Variants in APCDD1L observed in about 807,000 individuals in gnomAD.
APCDD1L encodes the protein protein APCDD1-like.
APCDD1L carries 21 observed loss-of-function variants against 24.2 expected under a neutral mutation model. That is an observed-to-expected ratio of 0.87 (90% CI 0.61 to 1.25). The LOEUF (loss-of-function observed/expected upper bound fraction) is 1.25, where lower values mean the gene tolerates loss of function less well. Among genes scored for constraint, APCDD1L ranks in the 50% most tolerant of loss-of-function variants. APCDD1L has a pLI of 0.00. For synonymous variants in APCDD1L, 321 were observed against 323.6 expected (o/e 0.99, Z 0.09); for missense variants, 704 against 711.7 (o/e 0.99, Z 0.12).
chr20:58,476,788 G>A (rs866211960), intron 1 of APCDD1L, among the ~76,000 whole-genome samples: 2 of 152,290 alleles, frequency 1.3e-5, no homozygotes, highest in Admixed American at 6.5e-5. Context: ...CCATCCCACC[G>A]TGCTTTTCCA....
At chr20:58,487,972 G>A (rs752955021) in intron 1 of APCDD1L, among the ~76,000 whole-genome samples, 4 of 151,524 alleles carry the variant, frequency 2.6e-5, no homozygotes, top group East Asian at 1.9e-4. Context: ...GTGTGCATCC[G>A]TGTGTGTGTG....
intron 3 of APCDD1L, among the ~76,000 whole-genome samples, chr20:58,465,742 C>T (rs938111936): frequency 1.3e-5 from 2 of 152,180 alleles, no homozygotes; most frequent in Non-Finnish European, 2.9e-5. Context: ...GCCCCAGTAG[C>T]GTCAGCAGAA....
intron 1 of APCDD1L, among the ~76,000 whole-genome samples, chr20:58,511,758 T>C (rs1278972711): frequency 6.6e-6 from 1 of 152,194 alleles, no homozygotes; most frequent in Non-Finnish European, 1.5e-5. Flanking sequence ...TTCTTAGTTT[T>C]TATTCTGGGT....
chr20:58,496,473 C>T (rs1990324437), intron 1 of APCDD1L, among the ~76,000 whole-genome samples: 1 of 152,256 alleles, frequency 6.6e-6, no homozygotes, highest in South Asian at 2.1e-4. Context: ...TGACTCAGTG[C>T]TTGGAGGAAG....
At chr20:58,495,167 C>G (rs1489745607) in intron 1 of APCDD1L, among the ~76,000 whole-genome samples, 2 of 152,226 alleles carry the variant, frequency 1.3e-5, no homozygotes, top group Non-Finnish European at 2.9e-5. Flanking sequence ...TCTGCCAACC[C>G]TAGTGTCGTA....
intron 2 of APCDD1L, among the ~76,000 whole-genome samples, chr20:58,469,766 G>A (rs760973214): frequency 6.6e-6 from 1 of 152,232 alleles, no homozygotes; most frequent in Non-Finnish European, 1.5e-5. Flanking sequence ...GCAGTCGGGA[G>A]TTTCTGCCTG....
At chr20:58,509,747 C>T (rs1351427934) in intron 1 of APCDD1L, among the ~76,000 whole-genome samples, 1 of 152,212 alleles carries the variant, frequency 6.6e-6, no homozygotes, top group Non-Finnish European at 1.5e-5. Flanking sequence ...AAATCTGGGC[C>T]AACTCCTAGC....
intron 1 of APCDD1L, among the ~76,000 whole-genome samples, chr20:58,487,039 T>G (rs1371678362): frequency 6.6e-6 from 1 of 151,982 alleles, no homozygotes; most frequent in Non-Finnish European, 1.5e-5. Flanking sequence ...TTTTTGTATT[T>G]TCAGTAGAGA....
At chr20:58,464,638 TC>T (rs1989674523) in intron 3 of APCDD1L, among the ~76,000 whole-genome samples, 1 of 152,234 alleles carries the variant, frequency 6.6e-6, no homozygotes, top group Non-Finnish European at 1.5e-5. Context: ...ATAATTTTGG[TC>T]CAGTGTTGGC....
At position 58,479,593 on chromosome 20, in the gene APCDD1L, C is replaced by CT. The variant is rs10580833; in HGVS notation, c.50-8847dup. Among the ~76,000 whole-genome samples the CT allele has an allele frequency of 6.8e-3, 849 of 125,358 alleles. 3 individuals carry two copies. The highest frequency in any genetic ancestry group is 8.1e-3 in the African/African-American group (281 of 34,500). 82.2% of individuals were successfully genotyped at this position (125,358 alleles called of 152,430 possible). ...ATACTGAGGTTTGGATTAAGATTTGCTTTTTTTTTTTTTTTTTTTCTTAAA... is the reference window on the plus strand; with the variant it reads ...ATACTGAGGTTTGGATTAAGATTTGCTTTTTTTTTTTTTTTTTTTTCTTAAA... On this transcript the variant is annotated intron_variant, in intron 1 of 3. Coordinates refer to ENST00000371149, the MANE Select transcript of APCDD1L (RefSeq NM_153360.3).
chr20:58,510,978 T>C (rs972931229), intron 1 of APCDD1L, among the ~76,000 whole-genome samples: 2 of 152,158 alleles, frequency 1.3e-5, no homozygotes, highest in Non-Finnish European at 2.9e-5. Context: ...CTTCCCCAGG[T>C]CTGGAGACTT....
intron 1 of APCDD1L, among the ~76,000 whole-genome samples, chr20:58,492,717 G>A (rs1386206997): frequency 1.3e-5 from 2 of 152,210 alleles, no homozygotes; most frequent in African/African-American, 4.8e-5. Flanking sequence ...TGATATATAC[G>A]CCTGTGCATA....
At chr20:58,502,200 G>C (rs1990448941) in intron 1 of APCDD1L, among the ~76,000 whole-genome samples, 1 of 152,064 alleles carries the variant, frequency 6.6e-6, no homozygotes. Flanking sequence ...TCCAGGGTTT[G>C]AGTGATTCTC....
intron 1 of APCDD1L, among the ~76,000 whole-genome samples, chr20:58,481,375 AC>A (rs1375617145): frequency 6.6e-6 from 1 of 152,034 alleles, no homozygotes; most frequent in East Asian, 1.9e-4. Flanking sequence ...CATGGCGAAG[AC>A]CCCTCAGAAC....
chr20:58,487,888 A>G (rs1435226797), intron 1 of APCDD1L, among the ~76,000 whole-genome samples: 3 of 152,184 alleles, frequency 2.0e-5, no homozygotes, highest in Non-Finnish European at 2.9e-5. Context: ...TAGACAAAAG[A>G]TCAGTAATGA....
At chr20:58,484,549 A>G (rs1990085226) in intron 1 of APCDD1L, among the ~76,000 whole-genome samples, 1 of 152,100 alleles carries the variant, frequency 6.6e-6, no homozygotes, top group African/African-American at 2.4e-5. Context: ...TCCTATACCT[A>G]TTATTTGAAA....
intron 1 of APCDD1L, among the ~76,000 whole-genome samples, chr20:58,505,354 T>G (rs1183492613): frequency 1.3e-5 from 2 of 152,220 alleles, no homozygotes; most frequent in Non-Finnish European, 2.9e-5. Context: ...CATGGGCCAC[T>G]GTGCCTGGCT....
intron 1 of APCDD1L, among the ~76,000 whole-genome samples, chr20:58,490,408 G>A (rs564060523): frequency 6.6e-6 from 1 of 152,328 alleles, no homozygotes; most frequent in South Asian, 2.1e-4. Context: ...CCATGACAGC[G>A]GACAGGTAGG....
intron 1 of APCDD1L, among the ~76,000 whole-genome samples, chr20:58,506,645 T>C (rs1353333559): frequency 6.6e-6 from 1 of 152,232 alleles, no homozygotes; most frequent in Non-Finnish European, 1.5e-5. Flanking sequence ...TTCTGCAGTC[T>C]TTGCAGATGA....
Sources: gnomAD v4.1 joint callset for allele counts (sites outside exome capture counted in the v4.1 genomes callset) on GRCh38, gnomAD v4.1.1 for gene constraint, MANE v1.5 for transcripts, NCBI Gene and HGNC (gene_info 2026-07-23, HGNC 2026-07-21) for gene names.